DCDC2: variants seen among roughly 807,000 people sequenced by gnomAD.
DCDC2 encodes doublecortin domain containing 2, also known as doublecortin domain-containing protein 2.
DCDC2 carries 40 observed loss-of-function variants against 50.2 expected under a neutral mutation model. The ratio of observed to expected loss-of-function variants is 0.80; its 90% confidence interval spans 0.62 to 1.04. The LOEUF (loss-of-function observed/expected upper bound fraction) is 1.04. Among genes scored for constraint, DCDC2 ranks in the 50% least tolerant of loss-of-function variants. The pLI is 0.00. For missense variants in DCDC2, 570 were observed against 581.9 expected (o/e 0.98, Z 0.21); for synonymous variants, 234 against 210.6 (o/e 1.11, Z -0.96).
intron 8 of DCDC2, among the ~76,000 whole-genome samples, chr6:24,202,073 C>T (rs1761601564): frequency 6.6e-6 from 1 of 152,024 alleles, no homozygotes; most frequent in South Asian, 2.1e-4. Context: ...GGAGCTGGTA[C>T]CATTCCTTCT....
chr6:24,336,872 C>G (rs771049325), intron 2 of DCDC2, among the ~76,000 whole-genome samples: 2 of 152,130 alleles, frequency 1.3e-5, no homozygotes, highest in African/African-American at 2.4e-5. Flanking sequence ...GTATTAGGTA[C>G]AGTGCTAGGA....
the DCDC2 span, among the ~76,000 whole-genome samples, chr6:24,370,753 GT>G: frequency 6.6e-6 from 1 of 152,094 alleles, no homozygotes. Context: ...CAAAAAAACT[GT>G]GTATAACATG....
chr6:24,197,891 C>T (rs577607671), intron 8 of DCDC2, among the ~76,000 whole-genome samples: 1 of 152,290 alleles, frequency 6.6e-6, no homozygotes, highest in South Asian at 2.1e-4. Context: ...AACTCCAATC[C>T]TCCACTTAGA....
intron 1 of DCDC2, among the ~76,000 whole-genome samples, chr6:24,354,989 C>T (rs1760439220): frequency 6.6e-6 from 1 of 152,162 alleles, no homozygotes; most frequent in Non-Finnish European, 1.5e-5. Flanking sequence ...TCCTCAATAT[C>T]GTTTGGGCTT....
chr6:24,294,715 C>A (rs1763824583), intron 4 of DCDC2, among the ~76,000 whole-genome samples: 1 of 152,002 alleles, frequency 6.6e-6, no homozygotes, highest in Non-Finnish European at 1.5e-5. Flanking sequence ...CACTAGAAAA[C>A]CTGAAAGGGA....
intron 2 of DCDC2, among the ~76,000 whole-genome samples, chr6:24,338,386 G>A (rs796907030): frequency 5.9e-5 from 9 of 151,676 alleles, no homozygotes; most frequent in Non-Finnish European, 7.4e-5. Flanking sequence ...CTGTCTTCAC[G>A]AAAGGGAATG....
chr6:24,383,092 C>T, the DCDC2 span, among the ~76,000 whole-genome samples: 6 of 151,984 alleles, frequency 3.9e-5, no homozygotes, highest in Non-Finnish European at 7.4e-5. Flanking sequence ...TTTGGGAGGC[C>T]GAGGCAGTGG....
rs1488358994 is a variant in DCDC2, at chr6:24,178,330, C to T, written c.1326G>A (p.Glu442=). The change falls in exon 9 of 10, where the codon GAG becomes GAA. Residue 442 remains glutamate, a splice_region_variant and synonymous_variant. Coordinates refer to ENST00000378454, the MANE Select transcript of DCDC2 (RefSeq NM_016356.5). Reference sequence around the variant, plus strand: ...AAGCAAGCAAAAGCAATAGAAATACCTCATCTTGTCCACTGCCAGCTCCTT... The same window carrying T: ...AAGCAAGCAAAAGCAATAGAAATACTTCATCTTGTCCACTGCCAGCTCCTT... ...KSQGAGSGQD[E]ADVDPQRPPR... 7 of 1,612,098 alleles carry T rather than the reference C, an allele frequency of 4.3e-6. No homozygotes were observed. The South Asian group carries it at 5.5e-5, about 13-fold the overall frequency.
At chr6:24,358,876 G>GA (rs1392453509), upstream of DCDC2, among the ~76,000 whole-genome samples, 1 of 8,482 alleles carries the variant, frequency 1.2e-4, no homozygotes, top group Non-Finnish European at 1.7e-4. Flanking sequence ...TAATATATAT[G>GA]TATTATATAT....
At chr6:24,323,637 TAA>T (rs1449011696) in intron 2 of DCDC2, among the ~76,000 whole-genome samples, 2 of 152,050 alleles carry the variant, frequency 1.3e-5, no homozygotes, top group Non-Finnish European at 2.9e-5. Context: ...ATCTAATACA[TAA>T]GAGACCTCTC....
chr6:24,242,109 G>A (rs185072890), intron 7 of DCDC2, among the ~76,000 whole-genome samples: 3 of 152,244 alleles, frequency 2.0e-5, no homozygotes, highest in Non-Finnish European at 2.9e-5. Flanking sequence ...AGGAAGTTGA[G>A]GCTGTCATGA....
At chr6:24,346,384 T>C (rs1760255128) in intron 2 of DCDC2, among the ~76,000 whole-genome samples, 2 of 152,216 alleles carry the variant, frequency 1.3e-5, no homozygotes, top group South Asian at 4.1e-4. Context: ...AGTGGGGAAG[T>C]ACAACATCAT....
intron 8 of DCDC2, among the ~76,000 whole-genome samples, chr6:24,185,218 A>T (rs762629745): frequency 1.3e-5 from 2 of 152,172 alleles, no homozygotes; most frequent in Non-Finnish European, 2.9e-5. Flanking sequence ...AAAGAAGACA[A>T]CTGGCCCTAA....
intron 8 of DCDC2, among the ~76,000 whole-genome samples, chr6:24,199,022 G>A (rs888746195): frequency 2.0e-5 from 3 of 152,212 alleles, no homozygotes; most frequent in African/African-American, 4.8e-5. Context: ...GGGGCTCATA[G>A]ATAAAACTCC....
intron 8 of DCDC2, among the ~76,000 whole-genome samples, chr6:24,184,916 C>T (rs1334389731): frequency 6.6e-6 from 1 of 152,076 alleles, no homozygotes; most frequent in African/African-American, 2.4e-5. Context: ...ACAAAAAACT[C>T]ATAATTTACT....
At chr6:24,322,957 T>A (rs997440003) in intron 2 of DCDC2, among the ~76,000 whole-genome samples, 2 of 152,224 alleles carry the variant, frequency 1.3e-5, no homozygotes, top group African/African-American at 4.8e-5. Flanking sequence ...TTTTACAGAG[T>A]TTGACTCTTT....
At chr6:24,350,532 C>T (rs988350585) in intron 2 of DCDC2, among the ~76,000 whole-genome samples, 2 of 152,102 alleles carry the variant, frequency 1.3e-5, no homozygotes, top group Non-Finnish European at 2.9e-5. Flanking sequence ...TTTTATTATG[C>T]AGGCCCATCA....
chr6:24,204,464 A>G (rs1399885648), intron 8 of DCDC2, among the ~76,000 whole-genome samples: 2 of 152,156 alleles, frequency 1.3e-5, no homozygotes, highest in African/African-American at 4.8e-5. Flanking sequence ...AGAGAGGTGA[A>G]CATCATACAC....
chr6:24,282,959 C>T (rs1328768955), intron 6 of DCDC2, among the ~76,000 whole-genome samples: 1 of 152,088 alleles, frequency 6.6e-6, no homozygotes, highest in Non-Finnish European at 1.5e-5. Context: ...CATTGTGATA[C>T]TTGAATAATA....
Sources: allele counts gnomAD v4.1 joint callset (sites outside exome capture counted in the v4.1 genomes callset), GRCh38; gene constraint gnomAD v4.1.1; transcripts MANE v1.5; gene names NCBI Gene and HGNC (gene_info 2026-07-23, HGNC 2026-07-21).